DYNC2H1: variants seen among roughly 807,000 people sequenced by gnomAD.
The protein encoded by DYNC2H1 is dynein cytoplasmic 2 heavy chain 1.
A neutral mutation model predicts 570.0 loss-of-function variants in DYNC2H1; 410 were observed. The ratio of observed to expected loss-of-function variants is 0.72; its 90% CI spans 0.66 to 0.78. The LOEUF is 0.78. Among genes scored for constraint, DYNC2H1 ranks in the 30% least tolerant of loss-of-function variants. DYNC2H1 has a pLI of 0.00. For synonymous variants in DYNC2H1, 1,688 were observed against 1,677.6 expected (o/e 1.01, Z -0.15); for missense variants, 4,865 against 5,046.4 (o/e 0.96, Z 1.09).
intron 65 of DYNC2H1, among the ~76,000 whole-genome samples, chr11:103,247,443 T>C (rs1327718718): frequency 6.6e-6 from 1 of 152,094 alleles, no homozygotes; most frequent in Non-Finnish European, 1.5e-5. Flanking sequence ...CGTAGTCCAA[T>C]TGCTTCTGGG....
rs759798940 is a variant in DYNC2H1 at position 103,177,718 on chromosome 11, A to G, written c.6037A>G (p.Met2013Val). ...VKQYTMNPKA[M>V]PRYQLLGHID... ...ACAATATACTATGAATCCCAAAGCTATGCCTCGATATCAATTATTAGGCCA... is the reference window on the plus strand; with the variant it reads ...ACAATATACTATGAATCCCAAAGCTGTGCCTCGATATCAATTATTAGGCCA... Residue 2013 changes from methionine (M) to valine (V), a missense_variant, in exon 38 of 89, where the codon ATG becomes GTG. Physicochemically the swap from Met to Val is conservative, Grantham distance 21. Coordinates refer to ENST00000375735, the MANE Select transcript of DYNC2H1 (RefSeq NM_001377.3). This position sits in a 1 kb window ranked among gnomAD's most constrained non-coding sequence, Gnocchi z 4.4. The G allele has an allele frequency of 6.2e-7, 1 of 1,613,596 alleles. No homozygotes were observed. The highest frequency in any genetic ancestry group is 8.5e-7 in the Non-Finnish European group (1 of 1,179,730).
At chr11:103,353,156 G>A (rs550883655) in intron 82 of DYNC2H1, among the ~76,000 whole-genome samples, 2 of 152,304 alleles carry the variant, frequency 1.3e-5, no homozygotes, top group African/African-American at 4.8e-5. Context: ...GGACTTGGGG[G>A]AAGGAGAGCA....
chr11:103,326,853 A>G lies in DYNC2H1; in HGVS notation c.12039+2863A>G, dbSNP rs12293718. ...GAGGGTGATGAGGACCCCTGGGGGA[A>G]TGGGCACTTAGGGCCTTACTCTACT... is the stretch of plus-strand genomic sequence containing the variant. On this transcript the variant is annotated intron_variant, in intron 82 of 88. Transcript: ENST00000375735. This position sits in a 1 kb window ranked among gnomAD's most constrained non-coding sequence, Gnocchi z 6.1. Among the ~76,000 whole-genome samples the G allele has an allele frequency of 0.076, 11,549 of 152,184 alleles. 1,105 individuals carry two copies. Among genetic ancestry groups the G allele is most frequent in the African/African-American group, 0.22 (9,294 of 41,504 alleles).
chr11:103,110,285 T>A (rs1000890616), intron 1 of DYNC2H1, among the ~76,000 whole-genome samples: 2 of 152,166 alleles, frequency 1.3e-5, no homozygotes, highest in Non-Finnish European at 2.9e-5. Flanking sequence ...GTGCTGGGAT[T>A]GCAAGCATGA....
At chr11:103,440,546 G>A (rs1233694523) in intron 85 of DYNC2H1, among the ~76,000 whole-genome samples, 3 of 152,030 alleles carry the variant, frequency 2.0e-5, no homozygotes, top group Admixed American at 6.6e-5. Context: ...CTTGAAGTTT[G>A]GGGAGATCTA....
intron 82 of DYNC2H1, among the ~76,000 whole-genome samples, chr11:103,344,094 T>G (rs1939617793): frequency 6.6e-6 from 1 of 152,226 alleles, no homozygotes; most frequent in Non-Finnish European, 1.5e-5. Context: ...CAGACCCTTT[T>G]GACTTTGGTG....
At chr11:103,134,856 G>T (rs1050041101) in intron 15 of DYNC2H1, among the ~76,000 whole-genome samples, 1 of 151,998 alleles carries the variant, frequency 6.6e-6, no homozygotes, top group East Asian at 1.9e-4. Context: ...AATAGTTGAT[G>T]CATATAAAGG....
chr11:103,270,100 C>T (rs926255582), intron 70 of DYNC2H1, among the ~76,000 whole-genome samples: 1 of 150,322 alleles, frequency 6.7e-6, no homozygotes, highest in Non-Finnish European at 1.5e-5. Flanking sequence ...GACTGAGGCA[C>T]GAGAATTGCT....
intron 26 of DYNC2H1, among the ~76,000 whole-genome samples, chr11:103,158,473 A>G (rs1226308915): frequency 6.6e-6 from 1 of 152,128 alleles, no homozygotes; most frequent in Non-Finnish European, 1.5e-5. Context: ...TTAGCTTAGC[A>G]AATGAAATAT....
At position 103,293,654 on chromosome 11, in the gene DYNC2H1, A is replaced by G. The variant is rs1327424706; in HGVS notation, c.11095+6049A>G. ...TCTATATTTTCATGTTTTCAAACTC[A>G]CTAATTTATTCTTCTGCTTGATAAA... On this transcript the variant is annotated intron_variant, in intron 75 of 88. Transcript: ENST00000375735. 4.0e-5 allele frequency among the ~76,000 whole-genome samples: 6 copies of G among 151,882 alleles called. No individual in the cohort carries two copies. The East Asian group carries it at 1.2e-3, about 29-fold the overall frequency.
At chr11:103,339,240 C>G (rs11225727) in intron 82 of DYNC2H1, among the ~76,000 whole-genome samples, 1 of 152,068 alleles carries the variant, frequency 6.6e-6, no homozygotes, top group Non-Finnish European at 1.5e-5. Context: ...GTCCTGTGGT[C>G]GGCACAGTTG....
intron 83 of DYNC2H1, among the ~76,000 whole-genome samples, chr11:103,392,398 AC>A (rs1288783279): frequency 6.6e-6 from 1 of 152,024 alleles, no homozygotes; most frequent in Admixed American, 6.6e-5. Flanking sequence ...GCCATCTGTC[AC>A]CCCTTTCCTT....
chr11:103,117,898 ATGTAAAG>A (rs1400668367), intron 6 of DYNC2H1, 35 bp downstream of exon 6: 13 of 1,522,140 alleles, frequency 8.5e-6, no homozygotes, highest in Non-Finnish European at 1.2e-5. Context: ...TTGTCTTTAA[ATGTAAAG>A]TGTATCTTCA....
chr11:103,349,585 G>A (rs1939940571), intron 82 of DYNC2H1, among the ~76,000 whole-genome samples: 1 of 152,106 alleles, frequency 6.6e-6, no homozygotes, highest in Non-Finnish European at 1.5e-5. Context: ...TTATAATGAA[G>A]TGTCAGCCTA....
At chr11:103,161,835 A>T (rs545669402) in intron 29 of DYNC2H1, among the ~76,000 whole-genome samples, 1 of 152,280 alleles carries the variant, frequency 6.6e-6, no homozygotes, top group African/African-American at 2.4e-5. Context: ...TATAGCTAAA[A>T]CTAACTAGCA....
At chr11:103,112,044 G>A (rs761480869) in intron 1 of DYNC2H1, among the ~76,000 whole-genome samples, 2 of 152,206 alleles carry the variant, frequency 1.3e-5, no homozygotes, top group Non-Finnish European at 2.9e-5. Flanking sequence ...TAGTGATGGG[G>A]CAGCGTGGGG....
chr11:103,123,113 A>ATT, intron 11 of DYNC2H1, 113 bp downstream of exon 11: 1 of 881,546 alleles, frequency 1.1e-6, no homozygotes, highest in Non-Finnish European at 1.5e-6. Context: ...TCCTCCTGTA[A>ATT]TTTTTTTTTG....
intron 65 of DYNC2H1, among the ~76,000 whole-genome samples, chr11:103,251,746 A>G (rs1247951273): frequency 6.6e-6 from 1 of 151,802 alleles, no homozygotes; most frequent in Non-Finnish European, 1.5e-5. Flanking sequence ...CTCTGTCTCT[A>G]TATATTTGAG....
rs1394126594 is a variant in DYNC2H1 at position 103,275,388 on chromosome 11, T to C, written c.10696-4960T>C. On this transcript the variant is annotated intron_variant, in intron 70 of 88. Transcript: ENST00000375735. This position sits in a 1 kb window ranked among gnomAD's most constrained non-coding sequence, Gnocchi z 4.8. ...GTTCATAGTTTACATTAAAGTTCACTCTTGGTATTGTACCTTATATGGATT... is the reference window on the plus strand; with the variant it reads ...GTTCATAGTTTACATTAAAGTTCACCCTTGGTATTGTACCTTATATGGATT... Among the ~76,000 whole-genome samples, 2 of 152,204 alleles carry C rather than the reference T, an allele frequency of 1.3e-5. No homozygotes were observed. The highest frequency in any genetic ancestry group is 2.9e-5 in the Non-Finnish European group (2 of 68,026).
Sources: gnomAD v4.1 joint callset for allele counts (sites outside exome capture counted in the v4.1 genomes callset) on GRCh38, gnomAD v4.1.1 for gene constraint, Gnocchi (gnomAD v3.1) non-coding constraint, MANE v1.5 for transcripts, NCBI Gene and HGNC (gene_info 2026-07-23, HGNC 2026-07-21) for gene names.